NCOA1: variants seen among roughly 807,000 people sequenced by gnomAD.
The protein encoded by NCOA1 is nuclear receptor coactivator 1.
In NCOA1, 35 loss-of-function variants were observed where a neutral mutation model predicts 150.9. That is an observed-to-expected ratio of 0.23 (90% CI 0.18 to 0.31). The LOEUF is 0.31. NCOA1 is among the 10% of genes least tolerant of loss of function. The probability of loss-of-function intolerance (pLI) is 1.00; values close to 1 mark genes in which losing one functional copy is unlikely to be tolerated. For synonymous variants in NCOA1, 590 were observed against 630.0 expected (o/e 0.94, Z 0.95); for missense variants, 1,491 against 1,749.3 (o/e 0.85, Z 2.63).
chr2:24,737,521 A>AT (rs1280765279), intron 17 of NCOA1, among the ~76,000 whole-genome samples: 1 of 152,096 alleles, frequency 6.6e-6, no homozygotes, highest in Non-Finnish European at 1.5e-5. Context: ...ATATAAAGCT[A>AT]TATGTTTGGA....
At chr2:24,695,200 T>C (rs993796901) in intron 10 of NCOA1, among the ~76,000 whole-genome samples, 3 of 152,162 alleles carry the variant, frequency 2.0e-5, no homozygotes, top group African/African-American at 7.2e-5. Context: ...ATTTTAGATA[T>C]ACCTGGTAAT....
intron 3 of NCOA1, among the ~76,000 whole-genome samples, chr2:24,617,267 G>A (rs1357763283): frequency 1.3e-5 from 2 of 151,930 alleles, no homozygotes; most frequent in Admixed American, 1.3e-4. Flanking sequence ...CATTACCTTT[G>A]GGCACTTTTT....
At chr2:24,762,159 C>T (rs758255321) in intron 21 of NCOA1, among the ~76,000 whole-genome samples, 2 of 152,250 alleles carry the variant, frequency 1.3e-5, no homozygotes, top group African/African-American at 2.4e-5. Flanking sequence ...GTAGGCTGGG[C>T]GGTTGCCACA....
intron 1 of NCOA1, among the ~76,000 whole-genome samples, chr2:24,501,214 T>C (rs1037657427): frequency 6.6e-6 from 1 of 152,222 alleles, no homozygotes. Context: ...GTGCACCCAG[T>C]AATGGAGTTC....
intron 1 of NCOA1, among the ~76,000 whole-genome samples, chr2:24,526,179 A>G (rs1451420150): frequency 6.6e-6 from 1 of 152,078 alleles, no homozygotes. Context: ...AACCTCATGT[A>G]ATGGGTAAGA....
intron 3 of NCOA1, among the ~76,000 whole-genome samples, chr2:24,623,516 A>C (rs1669269226): frequency 6.6e-6 from 1 of 152,214 alleles, no homozygotes; most frequent in Non-Finnish European, 1.5e-5. Context: ...AGAGCACATA[A>C]AAAGATAATA....
chr2:24,652,151 G>T (rs552749862), intron 4 of NCOA1, among the ~76,000 whole-genome samples: 24 of 152,094 alleles, frequency 1.6e-4, no homozygotes, highest in African/African-American at 5.5e-4. Flanking sequence ...ACTGGTGAAT[G>T]GATAAACAAA....
chr2:24,753,776 T>C (rs1039535095), intron 20 of NCOA1, among the ~76,000 whole-genome samples: 4 of 152,112 alleles, frequency 2.6e-5, no homozygotes, highest in African/African-American at 9.7e-5. Flanking sequence ...CTCCCTCCTT[T>C]GGTTGCATCA....
chr2:24,504,791 A>G (rs1395445370), intron 1 of NCOA1, among the ~76,000 whole-genome samples: 1 of 152,184 alleles, frequency 6.6e-6, no homozygotes, highest in Non-Finnish European at 1.5e-5. Context: ...TCCTACATAT[A>G]TGGTTTAACT....
Position 24,707,600 on chromosome 2 carries a change from T to C in NCOA1, c.2130T>C (p.Asp710=). 3.7e-6 allele frequency: 6 copies of C among 1,614,126 alleles called. No individual in the cohort carries two copies. The highest frequency in any genetic ancestry group is 5.1e-6 in the Non-Finnish European group (6 of 1,180,018). The change falls in exon 13 of 23, where the codon GAT becomes GAC. Residue 710 remains aspartate (D), a synonymous_variant. Transcript: ENST00000348332. ...TCACCACTTTGTCTGTCGAGCCTGA[T>C]AAAAAGGACAGTGCATCTACTTCTG... is the stretch of plus-strand genomic sequence containing the variant. ...SDITTLSVEP[D]KKDSASTSVS...
chr2:24,555,211 G>A (rs1461991354), intron 1 of NCOA1, among the ~76,000 whole-genome samples: 2 of 151,686 alleles, frequency 1.3e-5, no homozygotes, highest in Non-Finnish European at 2.9e-5. Context: ...TTACTTTTTT[G>A]TTTAACCCAT....
At position 24,690,651 on chromosome 2, in the gene NCOA1, CAAAA is replaced by C. The variant is rs70947837; in HGVS notation, c.533-806_533-803del. Among the ~76,000 whole-genome samples the C allele has an allele frequency of 3.9e-4, 15 of 38,438 alleles. No individual in the cohort carries two copies. In the East Asian group the frequency reaches 5.0e-3, roughly 13 times the overall value. 25.2% of individuals were successfully genotyped at this position (38,438 alleles called of 152,430 possible). Reference sequence around the variant, plus strand: ...TGGGTGACAAAGTGAGATTCCATCTCAAAAAAAAAAAAAAAAAAAAAAAAAAAGG... The same window carrying C: ...TGGGTGACAAAGTGAGATTCCATCTCAAAAAAAAAAAAAAAAAAAAAAAGG... On this transcript the variant is annotated intron_variant, in intron 8 of 22. Coordinates refer to ENST00000348332, the MANE Select transcript of NCOA1 (RefSeq NM_003743.5).
At chr2:24,649,802 A>G (rs1306275281) in intron 4 of NCOA1, among the ~76,000 whole-genome samples, 2 of 152,216 alleles carry the variant, frequency 1.3e-5, no homozygotes, top group African/African-American at 4.8e-5. Context: ...TAATGCAAAG[A>G]AAAAAAGCAT....
chr2:24,507,149 C>T (rs533923120), intron 1 of NCOA1, among the ~76,000 whole-genome samples: 1 of 152,278 alleles, frequency 6.6e-6, no homozygotes, highest in East Asian at 1.9e-4. Flanking sequence ...CTGTCTTTAG[C>T]TGGAAGCAAA....
At chr2:24,736,486 A>G (rs1231348010) in intron 17 of NCOA1, among the ~76,000 whole-genome samples, 2 of 152,212 alleles carry the variant, frequency 1.3e-5, no homozygotes, top group East Asian at 1.9e-4. Context: ...AAGAACCACT[A>G]TTGATCATCT....
At chr2:24,615,842 G>C (rs1668849996) in intron 3 of NCOA1, among the ~76,000 whole-genome samples, 1 of 152,160 alleles carries the variant, frequency 6.6e-6, no homozygotes, top group African/African-American at 2.4e-5. Flanking sequence ...AGGGATTAGA[G>C]TAGTAAGTCC....
intron 2 of NCOA1, among the ~76,000 whole-genome samples, chr2:24,579,362 T>C (rs1325556329): frequency 1.3e-5 from 2 of 152,224 alleles, no homozygotes; most frequent in African/African-American, 4.8e-5. Flanking sequence ...AGTGGACTTG[T>C]AGCTAACGAG....
At chr2:24,664,372 A>G (rs1044438097) in intron 5 of NCOA1, among the ~76,000 whole-genome samples, 2 of 152,144 alleles carry the variant, frequency 1.3e-5, no homozygotes, top group African/African-American at 4.8e-5. Flanking sequence ...TCAACTTACT[A>G]TATTGTTTTG....
At chr2:24,634,720 C>CG (rs1669864055) in intron 3 of NCOA1, among the ~76,000 whole-genome samples, 1 of 118,952 alleles carries the variant, frequency 8.4e-6, no homozygotes, top group African/African-American at 3.1e-5. Flanking sequence ...CCCCCCCCCC[C>CG]CCGCCCCCGG....
Sources: allele counts gnomAD v4.1 joint callset (sites outside exome capture counted in the v4.1 genomes callset), GRCh38; gene constraint gnomAD v4.1.1; transcripts MANE v1.5; gene names NCBI Gene and HGNC (gene_info 2026-07-23, HGNC 2026-07-21).